The following DIP2B variants were observed in gnomAD, a reference collection of about 807,000 sequenced individuals.
DIP2B encodes the protein DIP2 acetate--CoA ligase B (putative), also known as disco-interacting protein 2 homolog B.
DIP2B carries 76 observed loss-of-function variants against 198.0 expected under a neutral mutation model. The ratio of observed to expected loss-of-function variants is 0.38; its 90% confidence interval spans 0.32 to 0.46. DIP2B has a LOEUF of 0.46. Ranked by LOEUF, DIP2B falls within the 20% of genes least tolerant of loss-of-function variation. The probability of loss-of-function intolerance (pLI) is 0.99; values close to 1 mark genes in which losing one functional copy is unlikely to be tolerated. For synonymous variants in DIP2B, 701 were observed against 739.1 expected (o/e 0.95, Z 0.84); for missense variants, 1,559 against 1,978.4 (o/e 0.79, Z 4.02).
chr12:50,654,114 T>A (rs1410465064), intron 3 of DIP2B, among the ~76,000 whole-genome samples: 2 of 152,132 alleles, frequency 1.3e-5, no homozygotes, highest in Non-Finnish European at 2.9e-5. Flanking sequence ...CCTCAGATGA[T>A]CTACCCGCCT....
chr12:50,742,419 A>AAAAAAAAAC (rs1565888390), intron 37 of DIP2B, among the ~76,000 whole-genome samples: 17 of 77,258 alleles, frequency 2.2e-4, no homozygotes, highest in African/African-American at 6.0e-4. Context: ...AAAAAAAAAA[A>AAAAAAAAAC]AAACCACCTC....
intron 1 of DIP2B, among the ~76,000 whole-genome samples, chr12:50,555,931 A>G (rs1035262481): frequency 6.6e-6 from 1 of 152,194 alleles, no homozygotes; most frequent in Non-Finnish European, 1.5e-5. Flanking sequence ...AGCTCAAGAA[A>G]CTATTCTGAA....
At chr12:50,604,825 G>A (rs561893392) in intron 1 of DIP2B, among the ~76,000 whole-genome samples, 89 of 152,222 alleles carry the variant, frequency 5.8e-4, no homozygotes, top group African/African-American at 2.1e-3. Context: ...GATCTGGTAT[G>A]TAGTCAATTT....
In DIP2B at chr12:50,576,674, G is replaced by C. The variant is rs548076028; in HGVS notation, c.101-49302G>C. 4.6e-5 allele frequency among the ~76,000 whole-genome samples: 7 copies of C among 151,476 alleles called. No homozygotes were observed. The South Asian group carries it at 1.3e-3, about 27-fold the overall frequency. On this transcript the variant is annotated intron_variant, in intron 1 of 37. Coordinates refer to ENST00000301180, the MANE Select transcript of DIP2B (RefSeq NM_173602.3). ...TTTGTATTTTTTTTAGTAGAGACAG[G>C]GTTTCACCATGTTAGCCAGGATGGT...
intron 1 of DIP2B, among the ~76,000 whole-genome samples, chr12:50,565,639 G>A (rs186893309): frequency 2.6e-5 from 4 of 151,994 alleles, no homozygotes; most frequent in Non-Finnish European, 4.4e-5. Context: ...TGTTTGTTAC[G>A]TCAATGCCAG....
At chr12:50,615,453 A>G (rs1247877745) in intron 1 of DIP2B, among the ~76,000 whole-genome samples, 1 of 152,208 alleles carries the variant, frequency 6.6e-6, no homozygotes, top group Non-Finnish European at 1.5e-5. Context: ...GGCCCTTAGC[A>G]TCCAAAGGCA....
chr12:50,721,562 C>G (rs1245526278), intron 26 of DIP2B, among the ~76,000 whole-genome samples, 166 bp downstream of exon 26: 1 of 152,164 alleles, frequency 6.6e-6, no homozygotes, highest in African/African-American at 2.4e-5. Context: ...ATCCTCACCC[C>G]CCAAGTTGTG....
intron 1 of DIP2B, among the ~76,000 whole-genome samples, chr12:50,534,791 G>A (rs1342891446): frequency 6.6e-6 from 1 of 152,122 alleles, no homozygotes; most frequent in Non-Finnish European, 1.5e-5. Flanking sequence ...TGTGACCTTG[G>A]GCAAGTCATT....
At chr12:50,625,885 T>G in intron 1 of DIP2B, 91 bp from the exon 2 acceptor site, 1 of 1,377,384 alleles carries the variant, frequency 7.3e-7, no homozygotes, top group Non-Finnish European at 1.0e-6. Flanking sequence ...TATGGGGTAG[T>G]TCTATAACTC....
At chr12:50,631,808 C>A (rs914295055) in intron 2 of DIP2B, among the ~76,000 whole-genome samples, 1 of 152,100 alleles carries the variant, frequency 6.6e-6, no homozygotes, top group Admixed American at 6.6e-5. Context: ...TAAATTCTTT[C>A]ATTTTGTGTT....
At chr12:50,676,242 GAA>G (rs1938943881) in intron 7 of DIP2B, among the ~76,000 whole-genome samples, 2 of 152,184 alleles carry the variant, frequency 1.3e-5, no homozygotes, top group Admixed American at 6.5e-5. Context: ...ATCTACCTAA[GAA>G]AAGCTTTTGT....
At chr12:50,552,375 T>A (rs942022192) in intron 1 of DIP2B, among the ~76,000 whole-genome samples, 11 of 151,722 alleles carry the variant, frequency 7.3e-5, no homozygotes, top group Admixed American at 7.2e-4. Context: ...CATGCCATTC[T>A]CCTGCCTCAG....
chr12:50,590,452 C>T (rs925098181), intron 1 of DIP2B, among the ~76,000 whole-genome samples: 2 of 152,132 alleles, frequency 1.3e-5, no homozygotes, highest in Non-Finnish European at 2.9e-5. Context: ...TCACTGCAAC[C>T]TCCGCCTCCG....
Position 50,575,257 on chromosome 12 carries a change from C to A in DIP2B, c.101-50719C>A, listed in dbSNP as rs143578366. Among the ~76,000 whole-genome samples the A allele has an allele frequency of 1.1e-3, 163 of 152,294 alleles. 1 individual carries two copies. The highest frequency in any genetic ancestry group is 3.6e-3 in the African/African-American group (148 of 41,560). On this transcript the variant is annotated intron_variant, in intron 1 of 37. Coordinates refer to ENST00000301180, the MANE Select transcript of DIP2B (RefSeq NM_173602.3). Reference sequence around the variant, plus strand: ...TCTGGGCTGTCTAAAACTAAACTCTCTTCTAGCCACCCCCACAACAACAAC... The same window carrying A: ...TCTGGGCTGTCTAAAACTAAACTCTATTCTAGCCACCCCCACAACAACAAC...
intron 1 of DIP2B, among the ~76,000 whole-genome samples, chr12:50,506,943 G>A (rs1349278537): frequency 6.6e-6 from 1 of 152,190 alleles, no homozygotes; most frequent in Non-Finnish European, 1.5e-5. Context: ...TTCACACGGA[G>A]AGGGAAATCC....
At chr12:50,653,912 T>C (rs10876075) in intron 3 of DIP2B, among the ~76,000 whole-genome samples, 38,113 of 152,008 alleles carry the variant, frequency 0.25, 5,549 homozygotes, top group East Asian at 0.43. Context: ...CTTACTCTGT[T>C]GCCCAGGCTG....
intron 31 of DIP2B, 38 bp downstream of exon 31, chr12:50,731,575 G>T (rs754354037): frequency 1.6e-5 from 25 of 1,579,468 alleles, no homozygotes; most frequent in Non-Finnish European, 2.0e-5. Flanking sequence ...GTCCCAAAAG[G>T]TTCTGAAGAA....
At chr12:50,535,874 G>A (rs1381315882) in intron 1 of DIP2B, among the ~76,000 whole-genome samples, 1 of 109,544 alleles carries the variant, frequency 9.1e-6, no homozygotes, top group Admixed American at 1.3e-4. Flanking sequence ...ACAGTCCCCA[G>A]AGTGTGATGT....
chr12:50,541,422 T>TTA (rs1358999763), intron 1 of DIP2B, among the ~76,000 whole-genome samples: 2 of 150,654 alleles, frequency 1.3e-5, no homozygotes, highest in East Asian at 1.9e-4. Flanking sequence ...TTTTTTTTTT[T>TTA]AAATCCATAG....
Sources: gnomAD v4.1 joint callset for allele counts (sites outside exome capture counted in the v4.1 genomes callset) on GRCh38, gnomAD v4.1.1 for gene constraint, MANE v1.5 for transcripts, NCBI Gene and HGNC (gene_info 2026-07-23, HGNC 2026-07-21) for gene names.